The following COL12A1 variants were observed in gnomAD, a reference collection of about 807,000 sequenced individuals.
The protein encoded by COL12A1 is collagen type XII alpha 1 chain.
COL12A1 carries 114 observed loss-of-function variants against 349.7 expected under a neutral mutation model. The ratio of observed to expected loss-of-function variants is 0.33; its 90% confidence interval spans 0.28 to 0.38. The LOEUF (loss-of-function observed/expected upper bound fraction) is 0.38. Among genes scored for constraint, COL12A1 ranks in the 10% least tolerant of loss-of-function variants. The pLI, the probability that COL12A1 is intolerant of heterozygous loss-of-function variation, is 1.00. For synonymous variants in COL12A1, 1,369 were observed against 1,329.0 expected, an observed-to-expected ratio of 1.03 and a Z score of -0.66; for missense variants, 3,284 against 3,756.9, an observed-to-expected ratio of 0.87 and a Z score of 3.29.
intron 13 of COL12A1, among the ~76,000 whole-genome samples, chr6:75,168,407 G>T (rs1327184053): frequency 1.3e-5 from 2 of 152,176 alleles, no homozygotes; most frequent in East Asian, 3.9e-4. Flanking sequence ...TGCGCCCTGT[G>T]GTACAGTTGG....
chr6:75,101,848 T>G (rs1768319988), intron 57 of COL12A1, 151 bp downstream of exon 57: 1 of 1,010,654 alleles, frequency 9.9e-7, no homozygotes, highest in Admixed American at 2.1e-5. Context: ...TAGCACCAAC[T>G]TGAAGGTTAA....
Position 75,133,342 on chromosome 6 carries a change from G to A in COL12A1, c.5745C>T (p.Pro1915=), listed in dbSNP as rs780813171. Residue 1915 remains proline (P), a synonymous_variant, in exon 34 of 66, where the codon CCC becomes CCT. Transcript: ENST00000322507. ...GTCCCCCATCACCTTCAGTATAAAC[G>A]GGAACTACAGTCACAGTGTATGAGG... ...PDTSYTVTVV[P]VYTEGDGGRT... is the part of the protein sequence containing the mutation. The A allele has an allele frequency of 5.0e-6, 8 of 1,610,664 alleles. No individual in the cohort carries two copies. Among genetic ancestry groups the A allele is most frequent in the African/African-American group, 1.3e-5 (1 of 74,854 alleles).
At chr6:75,095,019 A>G in intron 60 of COL12A1, 89 bp downstream of exon 60, 1 of 1,199,392 alleles carries the variant, frequency 8.3e-7, no homozygotes, top group African/African-American at 1.5e-5. Context: ...TACAGCAGAG[A>G]TAACCTAAAT....
chr6:75,139,182 T>C (rs1390971425), intron 27 of COL12A1, among the ~76,000 whole-genome samples: 1 of 152,226 alleles, frequency 6.6e-6, no homozygotes, highest in Non-Finnish European at 1.5e-5. Context: ...ATGATTATTT[T>C]TTTAAGATAC....
chr6:75,138,723 T>G (rs1160956909), intron 28 of COL12A1, 99 bp downstream of exon 28: 1 of 1,548,088 alleles, frequency 6.5e-7, no homozygotes, highest in African/African-American at 1.4e-5. Flanking sequence ...TGTCAATAAA[T>G]GCTTATTGAC....
chr6:75,200,966 C>T (rs1426936048), intron 2 of COL12A1, among the ~76,000 whole-genome samples: 2 of 151,516 alleles, frequency 1.3e-5, no homozygotes, highest in South Asian at 2.1e-4. Flanking sequence ...AGAGCTGTAC[C>T]ATATGGAAAT....
At chr6:75,166,677 C>T (rs1014615642) in intron 13 of COL12A1, among the ~76,000 whole-genome samples, 10 of 152,106 alleles carry the variant, frequency 6.6e-5, no homozygotes, top group Admixed American at 2.0e-4. Flanking sequence ...ATCTGCTTCC[C>T]AGCATACATT....
At chr6:75,160,178 T>A (rs141167098) in intron 14 of COL12A1, among the ~76,000 whole-genome samples, 1 of 152,308 alleles carries the variant, frequency 6.6e-6, no homozygotes, top group East Asian at 1.9e-4. Flanking sequence ...GTTCTTTTCA[T>A]GTGTTAGTAA....
chr6:75,147,481 T>A (rs913704321), intron 23 of COL12A1, among the ~76,000 whole-genome samples, 194 bp downstream of exon 23: 2 of 152,208 alleles, frequency 1.3e-5, no homozygotes, highest in Non-Finnish European at 2.9e-5. Context: ...TGGAGCTCCA[T>A]GATGGCAGAA....
chr6:75,129,319 T>G (rs1252770155), intron 37 of COL12A1, among the ~76,000 whole-genome samples: 1 of 152,192 alleles, frequency 6.6e-6, no homozygotes, highest in Non-Finnish European at 1.5e-5. Flanking sequence ...AAATATTTCA[T>G]CACATGGGGC....
chr6:75,197,302 T>TCTTTA, intron 2 of COL12A1, among the ~76,000 whole-genome samples: 1 of 27,246 alleles, frequency 3.7e-5, no homozygotes. Context: ...CTGGAAATTT[T>TCTTTA]CTTTTCTTTT....
Position 75,154,331 on chromosome 6 carries a change from T to A in COL12A1, c.3565+85A>T, listed in dbSNP as rs926390023. ...TTTAGTGTAAAATTTGTATCATTGT[T>A]TTCCATTGTATGATACCCTAACAGT... is the stretch of plus-strand genomic sequence containing the variant. On this transcript the variant is annotated intron_variant, in intron 17 of 65. Coordinates refer to ENST00000322507, the MANE Select transcript of COL12A1 (RefSeq NM_004370.6). The A allele has an allele frequency of 5.1e-6, 7 of 1,380,226 alleles. No individual in the cohort carries two copies. The Admixed American group carries it at 1.6e-4, about 31-fold the overall frequency. 85.5% of individuals were successfully genotyped at this position (1,380,226 alleles called of 1,614,324 possible).
At chr6:75,108,594 A>G (rs1768680978) in intron 52 of COL12A1, among the ~76,000 whole-genome samples, 1 of 152,196 alleles carries the variant, frequency 6.6e-6, no homozygotes, top group African/African-American at 2.4e-5. Context: ...CTCTGTGAGC[A>G]AATGTGGGCT....
At chr6:75,140,408 G>A (rs1229353968) in intron 27 of COL12A1, among the ~76,000 whole-genome samples, 2 of 152,178 alleles carry the variant, frequency 1.3e-5, no homozygotes, top group Non-Finnish European at 2.9e-5. Context: ...TGTAATCCCA[G>A]CACTTTGGGA....
chr6:75,197,600 C>T (rs1372506797), intron 2 of COL12A1, among the ~76,000 whole-genome samples: 5 of 152,152 alleles, frequency 3.3e-5, no homozygotes, highest in Non-Finnish European at 5.9e-5. Flanking sequence ...GAATAAGCCA[C>T]TGTGCCCAGC....
intron 51 of COL12A1, among the ~76,000 whole-genome samples, chr6:75,111,466 T>TA (rs1411434866): frequency 6.6e-6 from 1 of 151,898 alleles, no homozygotes; most frequent in East Asian, 1.9e-4. Flanking sequence ...AATTTTTAGA[T>TA]AAAATGAAGC....
At chr6:75,124,460 G>C in intron 40 of COL12A1, 89 bp from the exon 41 acceptor site, 1 of 963,416 alleles carries the variant, frequency 1.0e-6, no homozygotes, top group Non-Finnish European at 1.5e-6. Flanking sequence ...AACTTTCACT[G>C]TGGCTAAAAA....
chr6:75,193,041 A>G (rs929000598), intron 3 of COL12A1, among the ~76,000 whole-genome samples: 2 of 152,158 alleles, frequency 1.3e-5, no homozygotes, highest in African/African-American at 4.8e-5. Flanking sequence ...CGTGCCTGAT[A>G]TTTTTAATTA....
At chr6:75,121,724 C>T (rs1001442664) in intron 43 of COL12A1, among the ~76,000 whole-genome samples, 4 of 152,090 alleles carry the variant, frequency 2.6e-5, no homozygotes, top group African/African-American at 4.8e-5. Flanking sequence ...TGTTTAGATC[C>T]ATTATGCAAA....
Sources: gnomAD v4.1 joint callset for allele counts (sites outside exome capture counted in the v4.1 genomes callset) on GRCh38, gnomAD v4.1.1 for gene constraint, MANE v1.5 for transcripts, NCBI Gene and HGNC (gene_info 2026-07-23, HGNC 2026-07-21) for gene names.